Variants in SYN2 observed in about 807,000 individuals in gnomAD.
SYN2 encodes synapsin II.
A neutral mutation model predicts 50.9 loss-of-function variants in SYN2; 19 were observed. The ratio of observed to expected loss-of-function variants is 0.37; its 90% CI spans 0.26 to 0.55. The LOEUF (loss-of-function observed/expected upper bound fraction) is 0.55. Among genes scored for constraint, SYN2 ranks in the 20% least tolerant of loss-of-function variants. SYN2 has a pLI of 0.81. For synonymous variants in SYN2, 255 were observed against 224.9 expected (o/e 1.13, Z -1.20); for missense variants, 587 against 576.4 (o/e 1.02, Z -0.19).
chr3:12,169,976 G>T, intron 10 of SYN2, 70 bp downstream of exon 10: 1 of 1,507,454 alleles, frequency 6.6e-7, no homozygotes. Flanking sequence ...GATGTTGATG[G>T]CTAAAGAATG....
intron 1 of SYN2, among the ~76,000 whole-genome samples, chr3:12,040,857 T>C (rs1235997818): frequency 6.6e-6 from 1 of 152,242 alleles, no homozygotes; most frequent in Non-Finnish European, 1.5e-5. Context: ...GATTGTATTA[T>C]AGTTTTCTTG....
At chr3:12,091,394 A>G (rs1485718313) in intron 1 of SYN2, among the ~76,000 whole-genome samples, 1 of 152,174 alleles carries the variant, frequency 6.6e-6, no homozygotes, top group Non-Finnish European at 1.5e-5. Context: ...GCATTTGCCA[A>G]ACTGTTTGCT....
chr3:12,007,954 C>G (rs1458413118), intron 1 of SYN2, among the ~76,000 whole-genome samples: 1 of 152,124 alleles, frequency 6.6e-6, no homozygotes, highest in East Asian at 1.9e-4. Flanking sequence ...TTATCTGTGC[C>G]ATTAAAAATT....
chr3:12,094,234 G>C (rs1488029750), intron 1 of SYN2, among the ~76,000 whole-genome samples: 1 of 152,128 alleles, frequency 6.6e-6, no homozygotes, highest in Non-Finnish European at 1.5e-5. Flanking sequence ...TCCTTAAATA[G>C]ATTATTTGCT....
intron 1 of SYN2, among the ~76,000 whole-genome samples, chr3:12,017,691 C>G (rs1161506572): frequency 6.6e-6 from 1 of 152,172 alleles, no homozygotes; most frequent in Non-Finnish European, 1.5e-5. Flanking sequence ...GAATGTTCCA[C>G]CATGACAAGC....
chr3:12,024,642 T>C (rs1694216289), intron 1 of SYN2, among the ~76,000 whole-genome samples: 1 of 152,232 alleles, frequency 6.6e-6, no homozygotes, highest in South Asian at 2.1e-4. Flanking sequence ...CATTGCTGAT[T>C]TGTATTTCAT....
At chr3:12,122,324 C>G (rs771070967) in intron 1 of SYN2, among the ~76,000 whole-genome samples, 4 of 152,062 alleles carry the variant, frequency 2.6e-5, no homozygotes, top group Non-Finnish European at 4.4e-5. Flanking sequence ...TAACAACATT[C>G]TTTGAAATAC....
At chr3:12,124,663 C>T (rs996626476) in intron 1 of SYN2, among the ~76,000 whole-genome samples, 2 of 151,898 alleles carry the variant, frequency 1.3e-5, no homozygotes, top group Non-Finnish European at 2.9e-5. Context: ...AATATAACAC[C>T]GAGTGGGAAA....
At chr3:12,166,286 A>G (rs956512021) in intron 7 of SYN2, among the ~76,000 whole-genome samples, 1 of 152,204 alleles carries the variant, frequency 6.6e-6, no homozygotes, top group Non-Finnish European at 1.5e-5. Flanking sequence ...CCCCTAGGCT[A>G]TCTCCTTCCT....
intron 1 of SYN2, among the ~76,000 whole-genome samples, chr3:12,007,185 T>C (rs184955531): frequency 2.1e-4 from 32 of 152,360 alleles, no homozygotes; most frequent in African/African-American, 3.6e-4. Flanking sequence ...GAATTTGCCT[T>C]GCCCTGGAGA....
intron 1 of SYN2, among the ~76,000 whole-genome samples, chr3:12,077,351 A>G (rs1262872066): frequency 6.6e-6 from 1 of 152,052 alleles, no homozygotes; most frequent in Non-Finnish European, 1.5e-5. Context: ...GCACATGTGC[A>G]GGATGTGCAG....
chr3:12,015,537 AC>A (rs1435106938), intron 1 of SYN2, among the ~76,000 whole-genome samples: 1 of 152,250 alleles, frequency 6.6e-6, no homozygotes, highest in Non-Finnish European at 1.5e-5. Flanking sequence ...AACCGAAGTA[AC>A]TAGTCAGCAA....
intron 1 of SYN2, among the ~76,000 whole-genome samples, chr3:12,011,961 T>C (rs1248763449): frequency 6.6e-6 from 1 of 152,238 alleles, no homozygotes; most frequent in Non-Finnish European, 1.5e-5. Context: ...CATCTTTCCC[T>C]GTTTCCAGCC....
chr3:12,043,000 A>G (rs557395901), intron 1 of SYN2, among the ~76,000 whole-genome samples: 1 of 147,894 alleles, frequency 6.8e-6, no homozygotes, highest in South Asian at 2.1e-4. Flanking sequence ...ATCCCCCCAC[A>G]CCTTTTTTTT....
intron 1 of SYN2, among the ~76,000 whole-genome samples, chr3:12,128,848 G>A (rs1329505383): frequency 6.6e-6 from 1 of 152,052 alleles, no homozygotes; most frequent in Non-Finnish European, 1.5e-5. Flanking sequence ...TGTGGCTGTG[G>A]TGCACTTGAT....
chr3:12,137,448 G>A (rs1158442262), intron 1 of SYN2, among the ~76,000 whole-genome samples: 1 of 152,136 alleles, frequency 6.6e-6, no homozygotes, highest in Non-Finnish European at 1.5e-5. Context: ...CCTTGTACCA[G>A]CACTTCTGTC....
intron 5 of SYN2, chr3:12,154,566 G>A: frequency 1.8e-6 from 2 of 1,131,530 alleles, no homozygotes; most frequent in Non-Finnish European, 1.3e-6. Context: ...TGGTGGCAGT[G>A]GTGGCATGGG....
chr3:12,073,497 C>G (rs1436220617), intron 1 of SYN2, among the ~76,000 whole-genome samples: 1 of 152,206 alleles, frequency 6.6e-6, no homozygotes, highest in East Asian at 1.9e-4. Flanking sequence ...TCTCCAGTAT[C>G]CACAGTTTTG....
At chr3:12,019,046 CTTA>C (rs1694076771) in intron 1 of SYN2, among the ~76,000 whole-genome samples, 1 of 152,218 alleles carries the variant, frequency 6.6e-6, no homozygotes, top group African/African-American at 2.4e-5. Context: ...AATGATGCCT[CTTA>C]TTCTCTGTCT....
Sources: gnomAD v4.1 joint callset for allele counts (sites outside exome capture counted in the v4.1 genomes callset) on GRCh38, gnomAD v4.1.1 for gene constraint, MANE v1.5 for transcripts, NCBI Gene and HGNC (gene_info 2026-07-23, HGNC 2026-07-21) for gene names.